HSPA13: variants seen among roughly 807,000 people sequenced by gnomAD.
HSPA13 encodes heat shock 70 kDa protein 13.
In HSPA13, 29 loss-of-function variants were observed where a neutral mutation model predicts 38.8. The ratio of observed to expected loss-of-function variants is 0.75; its 90% CI spans 0.56 to 1.02. The LOEUF (loss-of-function observed/expected upper bound fraction) is 1.02, where lower values mean the gene tolerates loss of function less well. HSPA13 is among the 50% of genes least tolerant of loss of function. HSPA13 has a pLI of 0.00. For synonymous variants in HSPA13, 192 were observed against 205.3 expected (o/e 0.94, Z 0.56); for missense variants, 451 against 560.9 (o/e 0.80, Z 1.98).
At position 14,373,981 on chromosome 21, in the gene HSPA13, T is replaced by A; in HGVS notation, c.1052A>T (p.Asp351Val). 6.2e-7 allele frequency: 1 copy of A among 1,614,190 alleles called. No individual in the cohort carries two copies. Among genetic ancestry groups the A allele is most frequent in the Middle Eastern group, 1.6e-4 (1 of 6,062 alleles). Reference protein sequence around the residue: ...VNSGFGRGLSDKKSGESQVLF... With the variant: ...VNSGFGRGLSVKKSGESQVLF... ...AACCTGACTTTCTCCACTTTTCTTA[T>A]CAGAAAGGCCACGTCCAAACCCACT... Residue 351 changes from aspartate (D) to valine (V), a missense_variant, in exon 5 of 5, where the codon GAT becomes GTT. Asp to Val is a radical substitution (Grantham distance 152). Coordinates refer to ENST00000285667, the MANE Select transcript of HSPA13 (RefSeq NM_006948.5).
At chr21:14,377,216 C>T (rs1394640106) in intron 3 of HSPA13, among the ~76,000 whole-genome samples, 1 of 152,124 alleles carries the variant, frequency 6.6e-6, no homozygotes, top group East Asian at 1.9e-4. Context: ...TCTGTGTTTC[C>T]CTCTGGTAGA....
chr21:14,381,414 G>C lies in HSPA13; in HGVS notation c.155C>G (p.Thr52Arg), dbSNP rs777487355. ...ATCTGGAATCACCTTTACTTTTCCT[G>C]TGCCAGGAAAAAACACCCCAACAGA... is the stretch of plus-strand genomic sequence containing the variant. Reference protein sequence around the residue: ...YCSVGVFFPGTGKVKVIPDEN... With the variant: ...YCSVGVFFPGRGKVKVIPDEN... The change falls in exon 2 of 5, where the codon ACA (threonine) becomes AGA (arginine). Residue 52 changes from threonine (T) to arginine (R), a missense_variant. Thr to Arg is a moderately conservative substitution (Grantham distance 71). Coordinates refer to ENST00000285667, the MANE Select transcript of HSPA13 (RefSeq NM_006948.5). 1.2e-6 allele frequency: 2 copies of C among 1,614,046 alleles called. No individual in the cohort carries two copies. Among genetic ancestry groups the C allele is most frequent in the South Asian group, 1.1e-5 (1 of 91,084 alleles).
chr21:14,380,115 A>T (rs542487560), intron 2 of HSPA13, among the ~76,000 whole-genome samples: 1 of 152,096 alleles, frequency 6.6e-6, no homozygotes, highest in East Asian at 1.9e-4. Flanking sequence ...TTAAATGTTT[A>T]AAAGAAAAAA....
rs1414680363 is a variant in HSPA13 at position 14,372,051 on chromosome 21, T to G, written c.*1566A>C. The G allele has an allele frequency of 6.6e-6, 1 of 152,282 alleles. No individual in the cohort carries two copies. The highest frequency in any genetic ancestry group is 2.4e-5 in the African/African-American group (1 of 41,440). The allele number at this position is 152,282 out of a possible 1,614,324, so 9.4% of individuals were successfully genotyped here. The stretch of plus-strand genomic sequence containing the variant: ...ATTGAAATTTGTGTTTTAACAGCAA[T>G]TTCATTGCTAAGAATTTTTTTTTAG... On this transcript the variant is annotated 3_prime_UTR_variant, in exon 5 of 5. Coordinates refer to ENST00000285667, the MANE Select transcript of HSPA13 (RefSeq NM_006948.5).
rs1013183235 is a variant in HSPA13, at chr21:14,375,513, T to A, written c.748+139A>T. ...GTAATTTTTTTTTTTTTTTTTTTTTTAGTAGAGACAGGGTTTCACCGTGTT... is the reference window on the plus strand; with the variant it reads ...GTAATTTTTTTTTTTTTTTTTTTTTAAGTAGAGACAGGGTTTCACCGTGTT... On this transcript the variant is annotated intron_variant, in intron 4 of 4. Coordinates refer to ENST00000285667, the MANE Select transcript of HSPA13 (RefSeq NM_006948.5). The A allele has an allele frequency of 1.5e-5, 6 of 387,888 alleles. No homozygotes were observed. In the South Asian group the frequency reaches 1.6e-4, roughly 11 times the overall value. 24.0% of individuals were successfully genotyped at this position (387,888 alleles called of 1,614,324 possible). A position where few individuals can be genotyped will look rare whatever the true frequency, so the allele number is the denominator to read the frequency against.
At position 14,372,569 on chromosome 21, in the gene HSPA13, T is replaced by C. The variant is rs572646609; in HGVS notation, c.*1048A>G. ...TTTGAAAAGAGTCCAAGTGTGATTA[T>C]TTAAAAATAATAATAGAAAACAATA... On this transcript the variant is annotated 3_prime_UTR_variant, in exon 5 of 5. Coordinates refer to ENST00000285667, the MANE Select transcript of HSPA13 (RefSeq NM_006948.5). 9.2e-5 allele frequency: 14 copies of C among 152,150 alleles called. No individual in the cohort carries two copies. Among genetic ancestry groups the C allele is most frequent in the Non-Finnish European group, 1.6e-4 (11 of 67,990 alleles). 9.4% of individuals were successfully genotyped at this position (152,150 alleles called of 1,614,324 possible).
At position 14,381,229 on chromosome 21, in the gene HSPA13, C is replaced by A; in HGVS notation, c.340G>T (p.Ala114Ser). The A allele has an allele frequency of 1.2e-6, 2 of 1,605,030 alleles. No individual in the cohort carries two copies. The highest frequency in any genetic ancestry group is 1.7e-6 in the Non-Finnish European group (2 of 1,173,928). ...TTAAATGGGTATCTGCCAATTTCAG[C>A]CTCCAACTCTTCTGCGGTAAAAATC... ...GKIFTAEELE[A>S]EIGRYPFKVL... The change falls in exon 2 of 5, where the codon GCT (alanine) becomes TCT (serine). Residue 114 changes from alanine to serine, a missense_variant. Coordinates refer to ENST00000285667, the MANE Select transcript of HSPA13 (RefSeq NM_006948.5).
intron 2 of HSPA13, among the ~76,000 whole-genome samples, chr21:14,379,421 C>T (rs2123527332): frequency 6.6e-6 from 1 of 152,184 alleles, no homozygotes; most frequent in South Asian, 2.1e-4. Flanking sequence ...AACTGACCTT[C>T]CAAAAAGTAC....
rs765523242 is a variant in HSPA13, at chr21:14,381,354, G to T, written c.215C>A (p.Ser72Tyr). Residue 72 changes from serine to tyrosine, a missense_variant, in exon 2 of 5, where the codon TCT becomes TAT. Coordinates refer to ENST00000285667, the MANE Select transcript of HSPA13 (RefSeq NM_006948.5). Reference sequence around the variant, plus strand: ...CACATATACATCATTGTCAGTAAAAGACACCATGCTGGGTATGCTGATATG... The same window carrying T: ...CACATATACATCATTGTCAGTAAAATACACCATGCTGGGTATGCTGATATG... The part of the protein sequence containing the change: ...NGHISIPSMV[S>Y]FTDNDVYVGY... 1 of 1,614,126 alleles carries T rather than the reference G, an allele frequency of 6.2e-7. No homozygotes were observed.
In HSPA13 at chr21:14,372,967, T is replaced by A. The variant is rs1404745011; in HGVS notation, c.*650A>T. 1 of 152,194 alleles carries A rather than the reference T, an allele frequency of 6.6e-6. No individual in the cohort carries two copies. The highest frequency in any genetic ancestry group is 1.5e-5 in the Non-Finnish European group (1 of 68,036). 9.4% of individuals were successfully genotyped at this position (152,194 alleles called of 1,614,324 possible). A position where few individuals can be genotyped will look rare whatever the true frequency, so the allele number is the denominator to read the frequency against. Reference sequence around the variant, plus strand: ...TTTCTATTATATGGTGCTGAAACATTTGAATACCTTTAGAAATAAAATAAA... The same window carrying A: ...TTTCTATTATATGGTGCTGAAACATATGAATACCTTTAGAAATAAAATAAA... On this transcript the variant is annotated 3_prime_UTR_variant, in exon 5 of 5. Transcript: ENST00000285667.
chr21:14,376,328 G>C (rs1984026103), intron 3 of HSPA13, among the ~76,000 whole-genome samples: 1 of 152,172 alleles, frequency 6.6e-6, no homozygotes, highest in African/African-American at 2.4e-5. Flanking sequence ...CGGGAGAATG[G>C]CGTGAACCCG....
chr21:14,371,231 G>C lies in HSPA13; in HGVS notation c.*2386C>G, dbSNP rs540874049. 1 of 152,642 alleles carries C rather than the reference G, an allele frequency of 6.6e-6. No homozygotes were observed. The highest frequency in any genetic ancestry group is 2.4e-5 in the African/African-American group (1 of 41,532). The allele number at this position is 152,642 out of a possible 1,614,324, so 9.5% of individuals were successfully genotyped here. A position where few individuals can be genotyped will look rare whatever the true frequency, so the allele number is the denominator to read the frequency against. ...ACAATAACTGTAATATTTAGTACATGTTATACACAGCAGTATCTGTTAAGT... is the reference window on the plus strand; with the variant it reads ...ACAATAACTGTAATATTTAGTACATCTTATACACAGCAGTATCTGTTAAGT... On this transcript the variant is annotated 3_prime_UTR_variant, in exon 5 of 5. Transcript: ENST00000285667.
chr21:14,376,665 A>C (rs947654369), intron 3 of HSPA13, among the ~76,000 whole-genome samples: 1 of 152,200 alleles, frequency 6.6e-6, no homozygotes, highest in Non-Finnish European at 1.5e-5. Context: ...CTCTGATTTT[A>C]CCACTTATTC....
chr21:14,376,780 A>G (rs1984038429), intron 3 of HSPA13, among the ~76,000 whole-genome samples: 3 of 152,152 alleles, frequency 2.0e-5, no homozygotes, highest in Admixed American at 2.0e-4. Context: ...CACTTTCTCC[A>G]TGCGTCTGCA....
At position 14,374,726 on chromosome 21, in the gene HSPA13, T is replaced by C. The variant is rs934030464; in HGVS notation, c.749-442A>G. 2.6e-5 allele frequency among the ~76,000 whole-genome samples: 4 copies of C among 152,266 alleles called. No homozygotes were observed. The East Asian group carries it at 5.8e-4, about 22-fold the overall frequency. On this transcript the variant is annotated intron_variant, in intron 4 of 4. Coordinates refer to ENST00000285667, the MANE Select transcript of HSPA13 (RefSeq NM_006948.5). ...CAATATCAAATAATTTTTCAGTAAA[T>C]AGAGATTAAGAATACAGATTGGCTT... is the stretch of plus-strand genomic sequence containing the variant.
At chr21:14,375,999 C>G (rs1265435032) in intron 3 of HSPA13, among the ~76,000 whole-genome samples, 180 bp from the exon 4 acceptor site, 2 of 152,166 alleles carry the variant, frequency 1.3e-5, no homozygotes, top group Non-Finnish European at 2.9e-5. Flanking sequence ...CTTCTAAATG[C>G]TATCTTTAAA....
At position 14,383,087 on chromosome 21, in the gene HSPA13, G is replaced by A. The variant is rs759819416; in HGVS notation, c.25+8C>T. ...CCGCAAGAGCAACAAGGACCCCCGG[G>A]AACCCACCTAAGATCGTCATCTCTC... On this transcript the variant is annotated splice_region_variant and intron_variant, in intron 1 of 4. Coordinates refer to ENST00000285667, the MANE Select transcript of HSPA13 (RefSeq NM_006948.5). The A allele has an allele frequency of 6.2e-7, 1 of 1,614,040 alleles. No individual in the cohort carries two copies. Among genetic ancestry groups the A allele is most frequent in the East Asian group, 2.2e-5 (1 of 44,868 alleles).
intron 3 of HSPA13, among the ~76,000 whole-genome samples, chr21:14,376,882 C>CCATCCCCTGACCACCAAAAG (rs1400129830): frequency 6.6e-5 from 10 of 152,204 alleles, no homozygotes; most frequent in African/African-American, 2.4e-4. Context: ...TACAAGTCAT[C>CCATCCCCTGACCACCAAAAG]CATCCCCTGA....
At position 14,374,291 on chromosome 21, in the gene HSPA13, GA is replaced by G. The variant is rs768697605; in HGVS notation, c.749-8del. On this transcript the variant is annotated splice_region_variant and splice_polypyrimidine_tract_variant and intron_variant, in intron 4 of 4. Coordinates refer to ENST00000285667, the MANE Select transcript of HSPA13 (RefSeq NM_006948.5). ...CCTCCAAGTTTATTGTTTCCTGAGT[GA>G]AAAATAAAAGTTTAATATAGTTATG... The G allele has an allele frequency of 1.9e-6, 3 of 1,596,072 alleles. No homozygotes were observed. Among genetic ancestry groups the G allele is most frequent in the African/African-American group, 2.7e-5 (2 of 74,430 alleles).
Sources: allele counts gnomAD v4.1 joint callset (sites outside exome capture counted in the v4.1 genomes callset), GRCh38; gene constraint gnomAD v4.1.1; transcripts MANE v1.5; gene names NCBI Gene and HGNC (gene_info 2026-07-23, HGNC 2026-07-21).